Variants in BROX observed in about 807,000 individuals in gnomAD.
BROX encodes BRO1 domain and CAAX motif containing.
A neutral mutation model predicts 61.0 loss-of-function variants in BROX; 53 were observed. The observed-to-expected ratio is 0.87, with a 90% CI of 0.70 to 1.09. BROX has a LOEUF of 1.09. Among genes scored for constraint, BROX ranks in the 50% least tolerant of loss-of-function variants. The probability of loss-of-function intolerance (pLI) is 0.00; values close to 1 mark genes in which losing one functional copy is unlikely to be tolerated. For synonymous variants in BROX, 152 were observed against 160.2 expected, an observed-to-expected ratio of 0.95 and a Z score of 0.38; for missense variants, 489 against 472.0, an observed-to-expected ratio of 1.04 and a Z score of -0.33.
chr1:222,728,909 G>C (rs527554936), intron 9 of BROX, 81 bp downstream of exon 9: 2 of 963,890 alleles, frequency 2.1e-6, no homozygotes, highest in African/African-American at 3.2e-5. Flanking sequence ...TCTCACCAGA[G>C]TCTTTCATTA....
At chr1:222,714,898 A>T (rs1656464362) in intron 1 of BROX, among the ~76,000 whole-genome samples, 2 of 152,210 alleles carry the variant, frequency 1.3e-5, no homozygotes, top group African/African-American at 4.8e-5. Context: ...TCATTTTATA[A>T]TAGAATTTAT....
chr1:222,724,387 G>A (rs1293339490), intron 6 of BROX, among the ~76,000 whole-genome samples: 1 of 152,144 alleles, frequency 6.6e-6, no homozygotes, highest in Non-Finnish European at 1.5e-5. Context: ...TTTACAATTA[G>A]AAAACTTAAG....
chr1:222,719,003 A>C lies in BROX; in HGVS notation c.180A>C (p.Ala60=). The part of the protein sequence containing the change: ...LSCNPEMMKN[A]ADSYFSLLQG... ...GTAATCCAGAAATGATGAAGAATGC[A>C]GCAGATTCATATTTCTCACTTTTAC... is the stretch of plus-strand genomic sequence containing the variant. Residue 60 remains alanine (A), a synonymous_variant, in exon 3 of 13, where the codon GCA becomes GCC. Coordinates refer to ENST00000340934, the MANE Select transcript of BROX (RefSeq NM_144695.4). 3.1e-6 allele frequency: 5 copies of C among 1,613,586 alleles called. No individual in the cohort carries two copies. The highest frequency in any genetic ancestry group is 3.4e-6 in the Non-Finnish European group (4 of 1,179,772).
In BROX at chr1:222,729,726, A is replaced by G. The variant is rs373604016; in HGVS notation, c.838+25A>G. 8 of 1,585,320 alleles carry G rather than the reference A, an allele frequency of 5.0e-6. No individual in the cohort carries two copies. The African/African-American group carries it at 9.4e-5, about 19-fold the overall frequency. ...TGTAAGTTTTCCTGCCAGAATATTA[A>G]CTCCCCTTTAAAAAACAAATGACTT... On this transcript the variant is annotated intron_variant, in intron 10 of 12. Coordinates refer to ENST00000340934, the MANE Select transcript of BROX (RefSeq NM_144695.4).
chr1:222,725,598 T>C (rs1657445783), intron 7 of BROX, 43 bp downstream of exon 7: 5 of 1,456,208 alleles, frequency 3.4e-6, no homozygotes, highest in Non-Finnish European at 4.7e-6. Flanking sequence ...AAAGTCTATA[T>C]TGTCATTGAA....
At chr1:222,715,445 C>T (rs778432196) in intron 1 of BROX, among the ~76,000 whole-genome samples, 8 of 152,120 alleles carry the variant, frequency 5.3e-5, no homozygotes, top group Non-Finnish European at 1.0e-4. Context: ...CGGTGGCTCA[C>T]GCCTGTAATC....
intron 1 of BROX, among the ~76,000 whole-genome samples, chr1:222,714,769 C>T (rs1314942458): frequency 6.6e-6 from 1 of 151,290 alleles, no homozygotes; most frequent in African/African-American, 2.4e-5. Context: ...TTGTAGAGAC[C>T]GGGTCTCACC....
intron 11 of BROX, among the ~76,000 whole-genome samples, chr1:222,730,911 C>CT (rs1356092540): frequency 6.6e-6 from 1 of 152,024 alleles, no homozygotes; most frequent in Non-Finnish European, 1.5e-5. Context: ...GTTTTTCTTG[C>CT]TTTTTTTCAA....
At chr1:222,715,873 AAC>A (rs1360710269) in intron 2 of BROX, 73 bp downstream of exon 2, 2 of 752,856 alleles carry the variant, frequency 2.7e-6, no homozygotes, top group South Asian at 1.9e-5. Flanking sequence ...AGAAATATGT[AAC>A]ACACTGTTTC....
chr1:222,732,749 A>C lies in BROX; in HGVS notation c.*35A>C. 1 of 1,497,040 alleles carries C rather than the reference A, an allele frequency of 6.7e-7. No homozygotes were observed. Among genetic ancestry groups the C allele is most frequent in the Non-Finnish European group, 9.2e-7 (1 of 1,082,532 alleles). The allele number at this position is 1,497,040 out of a possible 1,614,324, so 92.7% of individuals were successfully genotyped here. ...TGCACTTAGAATTTCTCTAGCAGTA[A>C]ATAAGATAAACCACAGAATTTCAGT... is the stretch of plus-strand genomic sequence containing the variant. On this transcript the variant is annotated 3_prime_UTR_variant, in exon 13 of 13. Coordinates refer to ENST00000340934, the MANE Select transcript of BROX (RefSeq NM_144695.4).
chr1:222,734,155 G>GTTTA lies in BROX; in HGVS notation c.*1443_*1446dup, dbSNP rs1309141302. On this transcript the variant is annotated 3_prime_UTR_variant, in exon 13 of 13. Coordinates refer to ENST00000340934, the MANE Select transcript of BROX (RefSeq NM_144695.4). ...TTTAACAGAAGTCACACATCTGTAGGTTTATCTTTTGATTATTCTCCTGAG... is the reference window on the plus strand; with the variant it reads ...TTTAACAGAAGTCACACATCTGTAGGTTTATTTATCTTTTGATTATTCTCCTGAG... 2.0e-5 allele frequency: 3 copies of GTTTA among 152,130 alleles called. No homozygotes were observed. The highest frequency in any genetic ancestry group is 4.4e-5 in the Non-Finnish European group (3 of 67,998). 9.4% of individuals were successfully genotyped at this position (152,130 alleles called of 1,614,324 possible). A position where few individuals can be genotyped will look rare whatever the true frequency, so the allele number is the denominator to read the frequency against.
intron 12 of BROX, among the ~76,000 whole-genome samples, chr1:222,732,203 G>A (rs987546353): frequency 6.6e-6 from 1 of 151,958 alleles, no homozygotes; most frequent in African/African-American, 2.4e-5. Flanking sequence ...AAGCTTTAGG[G>A]TTCTTTTCTT....
In BROX at chr1:222,715,706, C is replaced by T. The variant is rs368572779; in HGVS notation, c.7C>T (p.His3Tyr). Reference protein sequence around the residue: MTHWFHRNPLKAT... With the variant: MTYWFHRNPLKAT... ...TAGAAAACATCTGGAGAAAATGACC[C>T]ATTGGTTTCATAGGAACCCATTAAA... The change falls in exon 2 of 13, where the codon CAT (histidine) becomes TAT (tyrosine). Residue 3 changes from histidine (H) to tyrosine (Y), a missense_variant. His to Tyr is a moderately conservative substitution (Grantham distance 83). Coordinates refer to ENST00000340934, the MANE Select transcript of BROX (RefSeq NM_144695.4). 3.4e-6 allele frequency: 5 copies of T among 1,490,288 alleles called. No homozygotes were observed. In the African/African-American group the frequency reaches 7.1e-5, roughly 21 times the overall value. The allele number at this position is 1,490,288 out of a possible 1,614,324, so 92.3% of individuals were successfully genotyped here. A position where few individuals can be genotyped will look rare whatever the true frequency, so the allele number is the denominator to read the frequency against.
intron 1 of BROX, among the ~76,000 whole-genome samples, chr1:222,714,445 G>A (rs1244316516): frequency 2.7e-5 from 4 of 150,542 alleles, no homozygotes; most frequent in East Asian, 1.9e-4. Context: ...TGATCTGCCC[G>A]CCTCGGCCTC....
In BROX at chr1:222,715,275, T is replaced by A. The variant is rs1320560998; in HGVS notation, c.-16-409T>A. 2.6e-5 allele frequency: 4 copies of A among 152,402 alleles called. No individual in the cohort carries two copies. The East Asian group carries it at 7.7e-4, about 29-fold the overall frequency. 9.4% of individuals were successfully genotyped at this position (152,402 alleles called of 1,614,324 possible). On this transcript the variant is annotated intron_variant, in intron 1 of 12. Transcript: ENST00000340934. ...ACAAAACCACCCACCCCCAGGTGAT[T>A]TTTATGTATATTACAGTTTAAACAT...
In BROX at chr1:222,719,964, G is replaced by C. The variant is rs186084978; in HGVS notation, c.305+605G>C. ...TACTGTTTTTCAACACCATTTTGTTGTTGAAATGCCCGTATATTTTAATCC... is the reference window on the plus strand; with the variant it reads ...TACTGTTTTTCAACACCATTTTGTTCTTGAAATGCCCGTATATTTTAATCC... On this transcript the variant is annotated intron_variant, in intron 4 of 12. Transcript: ENST00000340934. Among the ~76,000 whole-genome samples, 126 of 152,202 alleles carry C rather than the reference G, an allele frequency of 8.3e-4. 1 individual carries two copies. The highest frequency in any genetic ancestry group is 6.8e-3 in the Middle Eastern group (2 of 294).
At chr1:222,732,024 A>G (rs955576943) in intron 12 of BROX, among the ~76,000 whole-genome samples, 1 of 152,190 alleles carries the variant, frequency 6.6e-6, no homozygotes, top group East Asian at 1.9e-4. Context: ...TCTGTGACAA[A>G]TGAATAAGAA....
chr1:222,734,504 C>G lies in BROX; in HGVS notation c.*1790C>G, dbSNP rs1348935400. The stretch of plus-strand genomic sequence containing the variant: ...AAATTCAGTGAGGTTTTTTTCTTAA[C>G]ATACAGAAGTACTAAATACTGCTTG... On this transcript the variant is annotated 3_prime_UTR_variant, in exon 13 of 13. Transcript: ENST00000340934. 2 of 152,034 alleles carry G rather than the reference C, an allele frequency of 1.3e-5. No homozygotes were observed. Among genetic ancestry groups the G allele is most frequent in the Non-Finnish European group, 2.9e-5 (2 of 68,000 alleles). 9.4% of individuals were successfully genotyped at this position (152,034 alleles called of 1,614,324 possible). A position where few individuals can be genotyped will look rare whatever the true frequency, so the allele number is the denominator to read the frequency against.
chr1:222,722,993 T>A (rs778096303), intron 5 of BROX, among the ~76,000 whole-genome samples: 1 of 152,182 alleles, frequency 6.6e-6, no homozygotes, highest in Non-Finnish European at 1.5e-5. Context: ...TTTGCAGGAT[T>A]AAATAATTAT....
Sources: allele counts gnomAD v4.1 joint callset (sites outside exome capture counted in the v4.1 genomes callset), GRCh38; gene constraint gnomAD v4.1.1; transcripts MANE v1.5; gene names NCBI Gene and HGNC (gene_info 2026-07-23, HGNC 2026-07-21).